Variants in DLGAP1 observed in about 807,000 individuals in gnomAD.
DLGAP1 encodes the protein DLG associated protein 1.
In DLGAP1, 11 loss-of-function variants were observed where a neutral mutation model predicts 90.8. That is an observed-to-expected ratio of 0.12 (90% confidence interval 0.08 to 0.20). The LOEUF (loss-of-function observed/expected upper bound fraction) is 0.20, where lower values mean the gene tolerates loss of function less well. Among genes scored for constraint, DLGAP1 ranks in the 10% least tolerant of loss-of-function variants. The pLI is 1.00. For synonymous variants in DLGAP1, 558 were observed against 540.7 expected, an observed-to-expected ratio of 1.03 and a Z score of -0.44; for missense variants, 1,050 against 1,333.8, an observed-to-expected ratio of 0.79 and a Z score of 3.31.
chr18:4,204,565 C>G (rs1318044565), intron 1 of DLGAP1, among the ~76,000 whole-genome samples: 1 of 151,870 alleles, frequency 6.6e-6, no homozygotes, highest in South Asian at 2.1e-4. Context: ...TAAAAACACC[C>G]TCCCTCCTCA....
chr18:3,879,175 G>T lies in DLGAP1; in HGVS notation c.894C>A (p.Asn298Lys). 6.6e-7 allele frequency: 1 copy of T among 1,522,566 alleles called. No homozygotes were observed. The allele number at this position is 1,522,566 out of a possible 1,614,324, so 94.3% of individuals were successfully genotyped here. Residue 298 changes from asparagine (N) to lysine (K), a missense_variant, in exon 4 of 13, where the codon AAC becomes AAA. Around this residue, in one of 2 missense-constraint regions of DLGAP1, gnomAD observed 485 missense variants for 454.1 expected, o/e 1.07. Transcript: ENST00000315677. The surrounding 1 kb of genome is among the most constrained non-coding windows in gnomAD (Gnocchi z 6.6). The stretch of plus-strand genomic sequence containing the variant: ...CGGACTTCACCATGGCCTGGTCCAT[G>T]TTCACCGAGGCCTTCTGGTAAACCT... ...AREVYQKASVNMDQAMVKSES... is the reference protein window; with the variant it reads ...AREVYQKASVKMDQAMVKSES...
intron 1 of DLGAP1, among the ~76,000 whole-genome samples, chr18:4,368,470 G>A (rs544883618): frequency 6.6e-6 from 1 of 152,182 alleles, no homozygotes; most frequent in Non-Finnish European, 1.5e-5. Context: ...AGAAAAAGAA[G>A]GACCTATCCC....
rs898832463 is a variant in DLGAP1, at chr18:3,526,939, A to G, written c.2479+7255T>C. Among the ~76,000 whole-genome samples the G allele has an allele frequency of 6.6e-6, 1 of 152,130 alleles. No individual in the cohort carries two copies. Among genetic ancestry groups the G allele is most frequent in the Non-Finnish European group, 1.5e-5 (1 of 68,004 alleles). ...CATTCTGTCAGCTGTCTTGGCTTGG[A>G]GGAAACCTCACTCACTGCAGTTTCA... On this transcript the variant is annotated intron_variant, in intron 10 of 12. Coordinates refer to ENST00000315677, the MANE Select transcript of DLGAP1 (RefSeq NM_004746.4). The surrounding 1 kb of genome is among the most constrained non-coding windows in gnomAD (Gnocchi z 4.7).
intron 5 of DLGAP1, among the ~76,000 whole-genome samples, chr18:3,807,436 T>C (rs2066618570): frequency 6.6e-6 from 1 of 152,202 alleles, no homozygotes; most frequent in South Asian, 2.1e-4. Flanking sequence ...AAAAAAGTTA[T>C]TTAATCTCTC....
intron 1 of DLGAP1, among the ~76,000 whole-genome samples, chr18:4,174,925 T>C (rs576479214): frequency 6.6e-6 from 1 of 152,324 alleles, no homozygotes; most frequent in African/African-American, 2.4e-5. Flanking sequence ...TCCATGTCCC[T>C]GTGAAGGACA....
chr18:4,341,417 T>C (rs1235719232), intron 1 of DLGAP1, among the ~76,000 whole-genome samples: 1 of 152,154 alleles, frequency 6.6e-6, no homozygotes, highest in Non-Finnish European at 1.5e-5. Context: ...TAGTAATCAA[T>C]ACCAAAATGA....
At chr18:3,545,429 C>T (rs757500990) in intron 9 of DLGAP1, among the ~76,000 whole-genome samples, 8 of 152,036 alleles carry the variant, frequency 5.3e-5, no homozygotes, top group Non-Finnish European at 8.8e-5. Context: ...CATACTTAAA[C>T]CCAAACATAT....
At chr18:3,701,597 T>C (rs1005075689) in intron 7 of DLGAP1, among the ~76,000 whole-genome samples, 2 of 152,210 alleles carry the variant, frequency 1.3e-5, no homozygotes, top group Non-Finnish European at 2.9e-5. Flanking sequence ...TGGTTTCAGC[T>C]AAAGCAGCAG....
At chr18:3,896,283 G>A (rs74391796) in intron 3 of DLGAP1, 4,712 of 152,266 alleles carry the variant, frequency 0.031, 133 homozygotes, top group African/African-American at 0.069. Flanking sequence ...CTCCTCAATA[G>A]CTTTCCTGCT....
intron 2 of DLGAP1, among the ~76,000 whole-genome samples, chr18:4,062,392 C>T (rs6506166): frequency 0.43 from 65,880 of 151,888 alleles, 15,278 homozygotes; most frequent in African/African-American, 0.6. Context: ...CTACACAGTC[C>T]GTGTACAGGG....
At chr18:3,926,820 A>G (rs895633407) in intron 3 of DLGAP1, among the ~76,000 whole-genome samples, 3 of 152,102 alleles carry the variant, frequency 2.0e-5, no homozygotes, top group Non-Finnish European at 4.4e-5. Flanking sequence ...ATTCTTGACT[A>G]AAAAGAGCCT....
At chr18:3,915,267 A>T (rs112142746) in intron 3 of DLGAP1, among the ~76,000 whole-genome samples, 3 of 152,310 alleles carry the variant, frequency 2.0e-5, no homozygotes, top group South Asian at 2.1e-4. Flanking sequence ...TACTAGTTTT[A>T]TCATAAGCTG....
intron 2 of DLGAP1, among the ~76,000 whole-genome samples, chr18:4,100,011 C>G (rs2075755549): frequency 7.3e-6 from 1 of 136,804 alleles, no homozygotes; most frequent in Non-Finnish European, 1.6e-5. Flanking sequence ...TGCCACCATG[C>G]CTGGCTAATT....
chr18:3,988,033 T>C lies in DLGAP1; in HGVS notation c.-73+17083A>G, dbSNP rs942206776. Among the ~76,000 whole-genome samples the C allele has an allele frequency of 2.6e-5, 4 of 152,080 alleles. No individual in the cohort carries two copies. In the South Asian group the frequency reaches 6.2e-4, roughly 24 times the overall value. ...TCTATTATTACATTGTAATATGTAGTGGAATAATTGTACAACTCACCATAA... is the reference window on the plus strand; with the variant it reads ...TCTATTATTACATTGTAATATGTAGCGGAATAATTGTACAACTCACCATAA... On this transcript the variant is annotated intron_variant, in intron 3 of 12. Coordinates refer to ENST00000315677, the MANE Select transcript of DLGAP1 (RefSeq NM_004746.4).
At chr18:4,142,893 GAGA>G (rs1267933660) in intron 2 of DLGAP1, among the ~76,000 whole-genome samples, 1 of 152,138 alleles carries the variant, frequency 6.6e-6, no homozygotes, top group Non-Finnish European at 1.5e-5. Flanking sequence ...GGTGGTCTCG[GAGA>G]AGATCGGGAA....
chr18:4,398,404 G>A (rs1411093331), intron 1 of DLGAP1, among the ~76,000 whole-genome samples: 1 of 152,190 alleles, frequency 6.6e-6, no homozygotes, highest in Non-Finnish European at 1.5e-5. Flanking sequence ...CAAATACAGT[G>A]AAAGGGGAAA....
intron 4 of DLGAP1, among the ~76,000 whole-genome samples, chr18:3,834,903 C>T (rs570396355): frequency 1.2e-4 from 18 of 152,304 alleles, no homozygotes; most frequent in African/African-American, 4.3e-4. Flanking sequence ...CTTAAAGATA[C>T]AACTCCATTA....
chr18:3,831,370 T>C (rs73940230), intron 4 of DLGAP1, among the ~76,000 whole-genome samples: 2,592 of 152,204 alleles, frequency 0.017, 74 homozygotes, highest in African/African-American at 0.058. Flanking sequence ...CTGTGATGCA[T>C]GTGCAGAACA....
intron 1 of DLGAP1, among the ~76,000 whole-genome samples, chr18:4,403,180 G>A (rs1231626979): frequency 6.6e-6 from 1 of 152,168 alleles, no homozygotes; most frequent in Non-Finnish European, 1.5e-5. Context: ...GTTTAAAAGT[G>A]TCCATTGTAA....
Sources: gnomAD v4.1 joint callset for allele counts (sites outside exome capture counted in the v4.1 genomes callset) on GRCh38, gnomAD v4.1.1 for gene constraint, gnomAD v4.1.1 regional missense constraint, Gnocchi (gnomAD v3.1) non-coding constraint, MANE v1.5 for transcripts, NCBI Gene and HGNC (gene_info 2026-07-23, HGNC 2026-07-21) for gene names.